MAPK10: variants seen among roughly 807,000 people sequenced by gnomAD.
The protein encoded by MAPK10 is JNK3 alpha protein kinase.
Under a neutral mutation model 59.3 loss-of-function variants are expected in MAPK10, and 25 were observed. The observed-to-expected ratio is 0.42, with a 90% confidence interval of 0.31 to 0.59. The LOEUF (loss-of-function observed/expected upper bound fraction) is 0.59. MAPK10 is among the 20% of genes least tolerant of loss of function. The pLI, the probability that MAPK10 is intolerant of heterozygous loss-of-function variation, is 0.15. For synonymous variants in MAPK10, 190 were observed against 200.5 expected (o/e 0.95, Z 0.44); for missense variants, 351 against 568.9 (o/e 0.62, Z 3.90).
At chr4:86,359,231 T>C (rs1332155052) in intron 1 of MAPK10, among the ~76,000 whole-genome samples, 12 of 149,486 alleles carry the variant, frequency 8.0e-5, no homozygotes, top group Admixed American at 2.0e-4. Context: ...TCAGCACTTC[T>C]AACAAGCACA....
intron 13 of MAPK10, among the ~76,000 whole-genome samples, chr4:86,019,270 A>G (rs1745087073): frequency 6.6e-6 from 1 of 152,022 alleles, no homozygotes; most frequent in Admixed American, 6.5e-5. Flanking sequence ...TGGGATCTTG[A>G]TATTTTTATA....
chr4:86,140,707 A>G (rs1397443641), intron 4 of MAPK10, among the ~76,000 whole-genome samples: 2 of 152,096 alleles, frequency 1.3e-5, no homozygotes, highest in Non-Finnish European at 2.9e-5. Context: ...ATTAAAGGAA[A>G]TTTATGTATG....
chr4:86,529,852 T>C (rs2149090851), intron 1 of MAPK10, among the ~76,000 whole-genome samples: 1 of 152,322 alleles, frequency 6.6e-6, no homozygotes, highest in Admixed American at 6.5e-5. Context: ...AGTAGTTACA[T>C]GGCATAAGGA....
chr4:86,364,284 GC>G (rs944595938), upstream of MAPK10, among the ~76,000 whole-genome samples: 1 of 151,960 alleles, frequency 6.6e-6, no homozygotes, highest in Non-Finnish European at 1.5e-5. Flanking sequence ...GCGTCACCAT[GC>G]CCAGCTAAAT....
intron 1 of MAPK10, among the ~76,000 whole-genome samples, chr4:86,408,680 T>A (rs1744708829): frequency 6.6e-6 from 1 of 152,248 alleles, no homozygotes; most frequent in South Asian, 2.1e-4. Context: ...CATGTGTCTG[T>A]TGGCTGCATA....
chr4:86,365,020 T>C (rs6845334), upstream of MAPK10, among the ~76,000 whole-genome samples: 974 of 152,218 alleles, frequency 6.4e-3, 7 homozygotes, highest in African/African-American at 0.021. Flanking sequence ...AGATACATAT[T>C]GGGATTATTA....
intron 11 of MAPK10, among the ~76,000 whole-genome samples, chr4:86,038,821 ATAT>A (rs1263468512): frequency 6.6e-6 from 1 of 152,212 alleles, no homozygotes; most frequent in Non-Finnish European, 1.5e-5. Context: ...AATAATGAAA[ATAT>A]TATTGCAATA....
At chr4:86,206,552 T>C (rs2084049439) in intron 2 of MAPK10, among the ~76,000 whole-genome samples, 1 of 152,160 alleles carries the variant, frequency 6.6e-6, no homozygotes, top group Non-Finnish European at 1.5e-5. Flanking sequence ...GTCCTTTGGG[T>C]ATATACCCAG....
intron 1 of MAPK10, chr4:86,383,994 T>A (rs988704622): frequency 1.3e-5 from 2 of 152,226 alleles, no homozygotes; most frequent in African/African-American, 4.8e-5. Flanking sequence ...ACATATCATT[T>A]CTTTCATCCT....
chr4:86,310,850 G>T (rs553688720), intron 2 of MAPK10, among the ~76,000 whole-genome samples: 1 of 152,010 alleles, frequency 6.6e-6, no homozygotes, highest in African/African-American at 2.4e-5. Context: ...TGTTTTTCAT[G>T]ATGGCAATTT....
At chr4:86,099,237 T>A (rs1477806834) in intron 8 of MAPK10, 1 of 152,312 alleles carries the variant, frequency 6.6e-6, no homozygotes, top group East Asian at 1.9e-4. Context: ...TTTGAAATAT[T>A]TCAAGAAAAA....
intron 11 of MAPK10, among the ~76,000 whole-genome samples, chr4:86,063,183 T>A (rs940596731): frequency 1.3e-5 from 2 of 152,204 alleles, no homozygotes; most frequent in African/African-American, 4.8e-5. Flanking sequence ...TCTACCTAGT[T>A]CTCACTTTCT....
chr4:86,485,488 G>A (rs976119714), intron 1 of MAPK10, among the ~76,000 whole-genome samples: 1 of 152,070 alleles, frequency 6.6e-6, no homozygotes, highest in African/African-American at 2.4e-5. Flanking sequence ...AATAATATTT[G>A]GATAAGTAAA....
intron 3 of MAPK10, among the ~76,000 whole-genome samples, chr4:86,172,923 C>A (rs966780283): frequency 1.3e-5 from 2 of 151,854 alleles, no homozygotes; most frequent in African/African-American, 4.8e-5. Flanking sequence ...TGTGAAGGAT[C>A]TTTTCAAGGA....
upstream of MAPK10, among the ~76,000 whole-genome samples, chr4:86,363,721 C>T (rs531763483): frequency 6.0e-5 from 9 of 150,146 alleles, no homozygotes; most frequent in Non-Finnish European, 8.9e-5. Context: ...TGCTGTACAA[C>T]AGATCTGAAA....
At position 86,017,326 on chromosome 4, in the gene MAPK10, C is replaced by G; in HGVS notation, c.1297G>C (p.Val433Leu). The G allele has an allele frequency of 6.2e-7, 1 of 1,614,162 alleles. No homozygotes were observed. The change falls in exon 14 of 14, where the codon GTC becomes CTC. Residue 433 changes from valine (V) to leucine (L), a missense_variant. Physicochemically the swap from Val to Leu is conservative, Grantham distance 32. Coordinates refer to ENST00000641462, the MANE Select transcript of MAPK10 (RefSeq NM_138982.4). The surrounding 1 kb of genome is among the most constrained non-coding windows in gnomAD (Gnocchi z 4.4). ...GTGGACATGGAGGAGATGTCATTGA[C>G]AGACGAGGATGGAGGGAGACTCTCA... ...SSESLPPSSS[V>L]NDISSMSTDQ... is the part of the protein sequence containing the mutation.
At chr4:86,088,674 A>G (rs989115886) in intron 9 of MAPK10, among the ~76,000 whole-genome samples, 20 of 152,184 alleles carry the variant, frequency 1.3e-4, no homozygotes, top group Admixed American at 1.2e-3. Context: ...AATGGAGTGA[A>G]TAAGAAAAAT....
At chr4:86,521,481 CTGTCGGGG>C (rs942958041) in intron 1 of MAPK10, among the ~76,000 whole-genome samples, 3 of 152,066 alleles carry the variant, frequency 2.0e-5, no homozygotes, top group African/African-American at 4.8e-5. Flanking sequence ...GTTGTGGCCA[CTGTCGGGG>C]ATGGGGGTGG....
chr4:86,265,024 G>A (rs2094173742), intron 2 of MAPK10, among the ~76,000 whole-genome samples: 1 of 151,260 alleles, frequency 6.6e-6, no homozygotes, highest in African/African-American at 2.4e-5. Context: ...CCAAGTAGCT[G>A]GGATTACAGG....
Sources: gnomAD v4.1 joint callset for allele counts (sites outside exome capture counted in the v4.1 genomes callset) on GRCh38, gnomAD v4.1.1 for gene constraint, Gnocchi (gnomAD v3.1) non-coding constraint, MANE v1.5 for transcripts, NCBI Gene and HGNC (gene_info 2026-07-23, HGNC 2026-07-21) for gene names.